The following METAP1D variants were observed in gnomAD, a reference collection of about 807,000 sequenced individuals.
METAP1D encodes methionyl aminopeptidase type 1D, mitochondrial.
A neutral mutation model predicts 40.5 loss-of-function variants in METAP1D; 31 were observed. The ratio of observed to expected loss-of-function variants is 0.77; its 90% CI spans 0.58 to 1.03. The LOEUF (loss-of-function observed/expected upper bound fraction) is 1.03, where lower values mean the gene tolerates loss of function less well. Ranked by LOEUF, METAP1D falls within the 50% of genes least tolerant of loss-of-function variation. METAP1D has a pLI of 0.00. For missense variants in METAP1D, 411 were observed against 420.7 expected, an observed-to-expected ratio of 0.98 and a Z score of 0.20; for synonymous variants, 151 against 146.4, an observed-to-expected ratio of 1.03 and a Z score of -0.22.
chr2:172,065,483 A>C (rs1257901120), intron 3 of METAP1D, 121 bp from the exon 4 acceptor site: 1 of 990,028 alleles, frequency 1.0e-6, no homozygotes, highest in Admixed American at 2.3e-5. Flanking sequence ...ATGTTGTACC[A>C]TAACTTTATC....
intron 6 of METAP1D, among the ~76,000 whole-genome samples, chr2:172,074,722 T>A (rs1336118522): frequency 6.6e-6 from 1 of 152,186 alleles, no homozygotes; most frequent in Non-Finnish European, 1.5e-5. Flanking sequence ...CATTTCTTCA[T>A]TCATAACTAC....
chr2:172,002,802 A>G (rs1224404676), intron 1 of METAP1D, among the ~76,000 whole-genome samples: 1 of 152,154 alleles, frequency 6.6e-6, no homozygotes, highest in Admixed American at 6.5e-5. Context: ...ACAAGTCTTC[A>G]TGTACCAGGA....
intron 1 of METAP1D, among the ~76,000 whole-genome samples, chr2:172,032,250 T>C (rs1256277416): frequency 6.6e-6 from 1 of 152,224 alleles, no homozygotes; most frequent in East Asian, 1.9e-4. Context: ...AGATACGTGA[T>C]TTATTAAGTC....
chr2:172,036,249 G>A (rs1336329359), intron 1 of METAP1D, among the ~76,000 whole-genome samples: 24 of 150,160 alleles, frequency 1.6e-4, no homozygotes, highest in Admixed American at 1.1e-3. Context: ...CCCGGGAGGC[G>A]GAGCTTGCAG....
intron 6 of METAP1D, among the ~76,000 whole-genome samples, chr2:172,071,515 C>T (rs759863217): frequency 3.3e-5 from 5 of 152,188 alleles, no homozygotes; most frequent in Non-Finnish European, 7.4e-5. Context: ...TTAGTTCAAG[C>T]AAGCCTTACC....
chr2:172,062,500 T>C (rs1690162511), intron 2 of METAP1D, among the ~76,000 whole-genome samples: 1 of 152,322 alleles, frequency 6.6e-6, no homozygotes, highest in South Asian at 2.1e-4. Flanking sequence ...TCTGGTGAGG[T>C]GAATTGTATT....
chr2:172,031,955 T>G (rs1263704647), intron 1 of METAP1D, among the ~76,000 whole-genome samples: 1 of 152,228 alleles, frequency 6.6e-6, no homozygotes, highest in Non-Finnish European at 1.5e-5. Context: ...GCGTCCTTTC[T>G]TGTTGCCCGG....
chr2:172,061,322 G>A (rs1236252501), intron 1 of METAP1D, among the ~76,000 whole-genome samples, 176 bp from the exon 2 acceptor site: 1 of 152,186 alleles, frequency 6.6e-6, no homozygotes, highest in African/African-American at 2.4e-5. Context: ...AATACGCTGT[G>A]TTACTATTGT....
At chr2:172,070,875 G>A in intron 5 of METAP1D, 32 bp from the exon 6 acceptor site, 1 of 1,547,194 alleles carries the variant, frequency 6.5e-7, no homozygotes, top group Non-Finnish European at 8.8e-7. Flanking sequence ...TTTTAAACAA[G>A]GACATATTTT....
At chr2:172,017,819 T>G (rs1434096765) in intron 1 of METAP1D, among the ~76,000 whole-genome samples, 3 of 152,056 alleles carry the variant, frequency 2.0e-5, no homozygotes, top group Admixed American at 6.6e-5. Context: ...AGATAAGGGT[T>G]AGTCCCACAA....
chr2:172,023,450 C>T (rs1197601106), intron 1 of METAP1D, among the ~76,000 whole-genome samples: 1 of 152,168 alleles, frequency 6.6e-6, no homozygotes, highest in Non-Finnish European at 1.5e-5. Flanking sequence ...AAGCATCAGG[C>T]CACATATTTT....
At chr2:172,009,535 A>G (rs1213407743) in intron 1 of METAP1D, among the ~76,000 whole-genome samples, 2 of 151,692 alleles carry the variant, frequency 1.3e-5, no homozygotes, top group South Asian at 2.1e-4. Context: ...TAATTTTCTG[A>G]AAGTATATGA....
intron 1 of METAP1D, among the ~76,000 whole-genome samples, chr2:172,055,703 G>A (rs929154095): frequency 4.6e-5 from 7 of 152,188 alleles, no homozygotes; most frequent in Non-Finnish European, 8.8e-5. Context: ...CTGTTGCCTT[G>A]TGACAACATT....
chr2:172,039,877 A>G (rs1689475366), intron 1 of METAP1D, among the ~76,000 whole-genome samples: 1 of 152,106 alleles, frequency 6.6e-6, no homozygotes, highest in Non-Finnish European at 1.5e-5. Context: ...GGATTTCGCC[A>G]TGTTGGCCAG....
At chr2:172,004,270 A>G (rs1221667068) in intron 1 of METAP1D, among the ~76,000 whole-genome samples, 1 of 151,954 alleles carries the variant, frequency 6.6e-6, no homozygotes, top group African/African-American at 2.4e-5. Flanking sequence ...GATCCTTGCT[A>G]TCTTGTATAG....
chr2:172,049,588 C>T (rs1689843837), intron 1 of METAP1D, among the ~76,000 whole-genome samples: 1 of 151,982 alleles, frequency 6.6e-6, no homozygotes, highest in African/African-American at 2.4e-5. Context: ...ACCAGGTATA[C>T]CTAGTAGAAT....
intron 1 of METAP1D, among the ~76,000 whole-genome samples, chr2:172,018,730 C>T (rs1052274435): frequency 3.3e-5 from 5 of 151,826 alleles, no homozygotes; most frequent in African/African-American, 4.8e-5. Context: ...TGCTAGGACA[C>T]CCCCCATCCC....
chr2:172,038,065 C>T (rs1456834445), intron 1 of METAP1D, among the ~76,000 whole-genome samples: 2 of 151,974 alleles, frequency 1.3e-5, no homozygotes, highest in Non-Finnish European at 2.9e-5. Flanking sequence ...TGGAAATGGC[C>T]GAGAATATGT....
At position 172,034,076 on chromosome 2, in the gene METAP1D, C is replaced by CAAAAAAAA. The variant is rs1491369972; in HGVS notation, c.41-27412_41-27405dup. Among the ~76,000 whole-genome samples, 2 of 39,116 alleles carry CAAAAAAAA rather than the reference C, an allele frequency of 5.1e-5. 1 individual carries two copies. The allele number at this position is 39,116 out of a possible 152,430, so 25.7% of individuals were successfully genotyped here. ...TGGGCAACAGAGCAAGACTTCATCT[C>CAAAAAAAA]AAAAAAAAAAAAAAAAACAAAAGTC... On this transcript the variant is annotated intron_variant, in intron 1 of 9. Coordinates refer to ENST00000315796, the MANE Select transcript of METAP1D (RefSeq NM_199227.3).
Sources: gnomAD v4.1 joint callset for allele counts (sites outside exome capture counted in the v4.1 genomes callset) on GRCh38, gnomAD v4.1.1 for gene constraint, MANE v1.5 for transcripts, NCBI Gene and HGNC (gene_info 2026-07-23, HGNC 2026-07-21) for gene names.